NTM: variants seen among roughly 807,000 people sequenced by gnomAD.
NTM encodes neurotrimin.
A neutral mutation model predicts 42.1 loss-of-function variants in NTM; 13 were observed. That is an observed-to-expected ratio of 0.31 (90% CI 0.20 to 0.49). NTM has a LOEUF of 0.49. Among genes scored for constraint, NTM ranks in the 20% least tolerant of loss-of-function variants. The pLI is 0.99. For synonymous variants in NTM, 187 were observed against 179.2 expected (o/e 1.04, Z -0.35); for missense variants, 373 against 452.8 (o/e 0.82, Z 1.60).
chr11:131,802,417 G>A (rs1465427404), intron 1 of NTM, among the ~76,000 whole-genome samples: 1 of 152,178 alleles, frequency 6.6e-6, no homozygotes, highest in African/African-American at 2.4e-5. Context: ...ATAATTCCCT[G>A]CTATCGCCTC....
intron 2 of NTM, among the ~76,000 whole-genome samples, chr11:131,938,926 G>T (rs2059510274): frequency 6.6e-6 from 1 of 152,170 alleles, no homozygotes; most frequent in Non-Finnish European, 1.5e-5. Flanking sequence ...GTGGGAAGGA[G>T]AGAAATGAGG....
At chr11:131,530,131 A>AT (rs1265272538) in intron 1 of NTM, among the ~76,000 whole-genome samples, 2 of 152,114 alleles carry the variant, frequency 1.3e-5, no homozygotes, top group Non-Finnish European at 2.9e-5. Flanking sequence ...TTGCAATTAT[A>AT]TTTTTACCAG....
chr11:131,651,489 G>C (rs1427905085), intron 1 of NTM, among the ~76,000 whole-genome samples: 1 of 152,172 alleles, frequency 6.6e-6, no homozygotes, highest in African/African-American at 2.4e-5. Flanking sequence ...AGGATTCTTG[G>C]TCATACATTC....
At chr11:132,007,361 C>A (rs905177480) in intron 2 of NTM, among the ~76,000 whole-genome samples, 2 of 152,128 alleles carry the variant, frequency 1.3e-5, no homozygotes, top group African/African-American at 4.8e-5. Context: ...ACAAATAAGA[C>A]CGCCAGCTGA....
chr11:131,530,930 T>C (rs1338977079), intron 1 of NTM, among the ~76,000 whole-genome samples: 2 of 152,108 alleles, frequency 1.3e-5, no homozygotes, highest in Non-Finnish European at 2.9e-5. Context: ...GGGAGAACAG[T>C]AGTGGGAGGT....
intron 1 of NTM, among the ~76,000 whole-genome samples, chr11:131,845,274 A>T (rs1023754578): frequency 1.3e-5 from 2 of 152,170 alleles, no homozygotes; most frequent in South Asian, 4.1e-4. Flanking sequence ...TCTACTAATT[A>T]CATCCAGAAC....
chr11:131,502,517 G>T (rs147179966), intron 1 of NTM, among the ~76,000 whole-genome samples: 64 of 152,188 alleles, frequency 4.2e-4, no homozygotes, highest in African/African-American at 1.3e-3. Flanking sequence ...AGCTGGGAGC[G>T]GGGGAAAGTG....
At chr11:131,955,921 T>C (rs1226956094) in intron 2 of NTM, among the ~76,000 whole-genome samples, 3 of 152,250 alleles carry the variant, frequency 2.0e-5, no homozygotes, top group African/African-American at 7.2e-5. Flanking sequence ...CCCTGGAGCC[T>C]GTTCTTAAGA....
intron 1 of NTM, among the ~76,000 whole-genome samples, chr11:131,531,030 C>G (rs1167785279): frequency 2.0e-5 from 3 of 152,220 alleles, no homozygotes; most frequent in African/African-American, 4.8e-5. Context: ...AACGGCTTCT[C>G]TGGCCACCAT....
chr11:131,703,397 A>G lies in NTM; in HGVS notation c.83-208167A>G, dbSNP rs1055622603. 1.4e-4 allele frequency among the ~76,000 whole-genome samples: 22 copies of G among 152,266 alleles called. 1 individual carries two copies. The highest frequency in any genetic ancestry group is 6.5e-4 in the Admixed American group (10 of 15,288). ...TTTAAAAATGTAGAAGTAAATACAA[A>G]TAAATATACATCAGGATTTTGGAAG... is the stretch of plus-strand genomic sequence containing the variant. On this transcript the variant is annotated intron_variant, in intron 1 of 8. Transcript: ENST00000683400.
chr11:131,713,579 TG>T (rs1348677884), intron 1 of NTM, among the ~76,000 whole-genome samples: 3 of 152,206 alleles, frequency 2.0e-5, no homozygotes, highest in Non-Finnish European at 4.4e-5. Flanking sequence ...TTTCCTTTCC[TG>T]TTTATCTCCA....
intron 4 of NTM, among the ~76,000 whole-genome samples, chr11:132,214,806 A>G (rs1297617046): frequency 6.6e-6 from 1 of 152,190 alleles, no homozygotes; most frequent in Non-Finnish European, 1.5e-5. Flanking sequence ...GAAACAGAAG[A>G]TGGAGCAAGG....
intron 1 of NTM, among the ~76,000 whole-genome samples, chr11:131,793,518 T>C (rs1591897373): frequency 6.6e-6 from 1 of 152,306 alleles, no homozygotes; most frequent in East Asian, 1.9e-4. Flanking sequence ...TTTTTAAAAC[T>C]GAGTAGCAGA....
intron 1 of NTM, among the ~76,000 whole-genome samples, chr11:131,734,379 A>G (rs544885956): frequency 6.6e-6 from 1 of 151,968 alleles, no homozygotes; most frequent in Non-Finnish European, 1.5e-5. Flanking sequence ...ACATTTTTCT[A>G]CTTAGTGAGT....
rs181053033 is a variant in NTM, at chr11:132,196,017, T to C, written c.401-16005T>C. Among the ~76,000 whole-genome samples, 23 of 152,186 alleles carry C rather than the reference T, an allele frequency of 1.5e-4. No homozygotes were observed. The East Asian group carries it at 3.9e-3, about 26-fold the overall frequency. On this transcript the variant is annotated intron_variant, in intron 3 of 8. Coordinates refer to ENST00000683400, the MANE Select transcript of NTM (RefSeq NM_001352005.2). ...GTCAACAGAGTAAACCGACAACCTA[T>C]GGAATGGAAGAAAATATTCATCAAC... is the stretch of plus-strand genomic sequence containing the variant.
intron 7 of NTM, among the ~76,000 whole-genome samples, chr11:132,320,255 T>C (rs566415574): frequency 9.8e-5 from 15 of 152,304 alleles, no homozygotes; most frequent in Admixed American, 2.6e-4. Flanking sequence ...TGCATTTCCA[T>C]CTGAGGTACT....
At chr11:132,004,729 T>A (rs1312328350) in intron 2 of NTM, among the ~76,000 whole-genome samples, 3 of 151,602 alleles carry the variant, frequency 2.0e-5, no homozygotes, top group African/African-American at 2.4e-5. Context: ...TGTGGTAGGA[T>A]CACAATCATT....
rs538509484 is a variant in NTM, at chr11:132,288,734, C to G, written c.527-18955C>G. Among the ~76,000 whole-genome samples the G allele has an allele frequency of 5.3e-5, 8 of 152,306 alleles. No homozygotes were observed. The East Asian group carries it at 1.5e-3, about 29-fold the overall frequency. ...TCCCGGGTTCAAGCGATTGTCCTGC[C>G]TCAGCCTCCTGAGTAGCTGGGATTA... On this transcript the variant is annotated intron_variant, in intron 4 of 8. Coordinates refer to ENST00000683400, the MANE Select transcript of NTM (RefSeq NM_001352005.2).
In NTM at chr11:131,454,932, C is replaced by T. The variant is rs73588703; in HGVS notation, c.82+84044C>T. Among the ~76,000 whole-genome samples the T allele has an allele frequency of 3.7e-3, 563 of 152,180 alleles. 5 individuals are homozygous for T. The highest frequency in any genetic ancestry group is 0.013 in the African/African-American group (533 of 41,504). On this transcript the variant is annotated intron_variant, in intron 1 of 8. Coordinates refer to ENST00000683400, the MANE Select transcript of NTM (RefSeq NM_001352005.2). ...ATGTGCCTCCAGCAAAAGATAAACA[C>T]ACAGAGGAGAAAGGGGTTCTATAGG...
Sources: gnomAD v4.1 joint callset for allele counts (sites outside exome capture counted in the v4.1 genomes callset) on GRCh38, gnomAD v4.1.1 for gene constraint, MANE v1.5 for transcripts, NCBI Gene and HGNC (gene_info 2026-07-23, HGNC 2026-07-21) for gene names.